The following CCDC71L variants were observed in gnomAD, a reference collection of about 807,000 sequenced individuals.
CCDC71L encodes the protein coiled-coil domain-containing protein 71L.
CCDC71L carries 6 observed loss-of-function variants against 10.2 expected under a neutral mutation model. The ratio of observed to expected loss-of-function variants is 0.59; its 90% CI spans 0.32 to 1.16. The LOEUF (loss-of-function observed/expected upper bound fraction) is 1.16, where lower values mean the gene tolerates loss of function less well. CCDC71L is among the 50% of genes most tolerant of loss of function. CCDC71L has a pLI of 0.05. For synonymous variants in CCDC71L, 204 were observed against 175.5 expected (o/e 1.16, Z -1.28); for missense variants, 366 against 383.4 (o/e 0.95, Z 0.38).
In CCDC71L at chr7:106,659,732, G is replaced by A. The variant is rs1271749043; in HGVS notation, c.*457C>T. On this transcript the variant is annotated 3_prime_UTR_variant, in exon 1 of 1. Coordinates refer to ENST00000523505, the MANE Select transcript of CCDC71L (RefSeq NM_175884.6). ...CTTCTGTCCACAAAGAGGGGTGACA[G>A]TGAAATAGAAAAAGGGGGAGATAAA... 5 of 153,724 alleles carry A rather than the reference G, an allele frequency of 3.3e-5. No individual in the cohort carries two copies. The highest frequency in any genetic ancestry group is 9.6e-5 in the African/African-American group (4 of 41,502). The allele number at this position is 153,724 out of a possible 1,614,324, so 9.5% of individuals were successfully genotyped here. A position where few individuals can be genotyped will look rare whatever the true frequency, so the allele number is the denominator to read the frequency against.
chr7:106,654,948 A>G lies in CCDC71L; in HGVS notation c.*5241T>C, dbSNP rs953418678. 1.3e-5 allele frequency among the ~76,000 whole-genome samples: 2 copies of G among 152,124 alleles called. No individual in the cohort carries two copies. The highest frequency in any genetic ancestry group is 2.9e-5 in the Non-Finnish European group (2 of 67,996). On this transcript the variant is annotated 3_prime_UTR_variant, in exon 1 of 1. Transcript: ENST00000523505. ...TACACATTTTACAGTTAATTGTACT[A>G]CTTGGAAGAATCTCAATTTAACTTT...
chr7:106,660,908 C>T lies in CCDC71L; in HGVS notation c.-12G>A, dbSNP rs1792586864. The T allele has an allele frequency of 2.9e-6, 4 of 1,362,062 alleles. No individual in the cohort carries two copies. The highest frequency in any genetic ancestry group is 1.8e-5 in the South Asian group (1 of 56,830). 84.4% of individuals were successfully genotyped at this position (1,362,062 alleles called of 1,614,324 possible). A position where few individuals can be genotyped will look rare whatever the true frequency, so the allele number is the denominator to read the frequency against. ...ATACTGCGCCGCATCGAAGGCCGCT[C>T]CGGGCCACTCACGCTCGCCGGGTCC... On this transcript the variant is annotated 5_prime_UTR_variant, in exon 1 of 1. Coordinates refer to ENST00000523505, the MANE Select transcript of CCDC71L (RefSeq NM_175884.6). The surrounding 1 kb of genome is among the most constrained non-coding windows in gnomAD (Gnocchi z 7.5).
chr7:106,656,056 AAT>A lies in CCDC71L; in HGVS notation c.*4131_*4132del, dbSNP rs1562906755. Among the ~76,000 whole-genome samples, 3 of 152,076 alleles carry A rather than the reference AAT, an allele frequency of 2.0e-5. No homozygotes were observed. The highest frequency in any genetic ancestry group is 4.8e-5 in the African/African-American group (2 of 41,368). ...TAGTTATTAATCCTTATAATATCCCAATAGTTTCTTTCACTAATCACATTTGA... is the reference window on the plus strand; with the variant it reads ...TAGTTATTAATCCTTATAATATCCCAAGTTTCTTTCACTAATCACATTTGA... On this transcript the variant is annotated 3_prime_UTR_variant, in exon 1 of 1. Coordinates refer to ENST00000523505, the MANE Select transcript of CCDC71L (RefSeq NM_175884.6).
rs781184306 is a variant in CCDC71L at position 106,660,286 on chromosome 7, C to T, written c.611G>A (p.Arg204His). The T allele has an allele frequency of 7.0e-6, 11 of 1,563,214 alleles. No homozygotes were observed. In the Admixed American group the frequency reaches 1.6e-4, roughly 23 times the overall value. Residue 204 changes from arginine to histidine, a missense_variant, in exon 1 of 1, where the codon CGC becomes CAC. Transcript: ENST00000523505. This position sits in a 1 kb window ranked among gnomAD's most constrained non-coding sequence, Gnocchi z 7.5. ...CCTGCGCCGCGCTGCCGCCAGGCTG[C>T]GCTCGCCCCACACGTCGCTGCCGAC... ...IRVGSDVWGE[R>H]SLAAARRRAR...
In CCDC71L at chr7:106,660,343, G is replaced by A. The variant is rs1413761246; in HGVS notation, c.554C>T (p.Thr185Ile). 1.4e-6 allele frequency: 2 copies of A among 1,476,214 alleles called. No individual in the cohort carries two copies. The highest frequency in any genetic ancestry group is 5.7e-5 in the East Asian group (2 of 35,398). The allele number at this position is 1,476,214 out of a possible 1,614,324, so 91.4% of individuals were successfully genotyped here. A position where few individuals can be genotyped will look rare whatever the true frequency, so the allele number is the denominator to read the frequency against. The stretch of plus-strand genomic sequence containing the variant: ...GGTGGGGAAGGTGGTCAGCGTCGGG[G>A]TGGCCGCCCTCCAGATCTCCTCCAA... Reference protein sequence around the residue: ...RTLEEIWRAATPTLTTFPTIR... With the variant: ...RTLEEIWRAAIPTLTTFPTIR... Residue 185 changes from threonine (T) to isoleucine (I), a missense_variant, in exon 1 of 1, where the codon ACC becomes ATC. Coordinates refer to ENST00000523505, the MANE Select transcript of CCDC71L (RefSeq NM_175884.6). This position sits in a 1 kb window ranked among gnomAD's most constrained non-coding sequence, Gnocchi z 7.5.
Position 106,659,232 on chromosome 7 carries a change from C to T in CCDC71L, c.*957G>A, listed in dbSNP as rs60442468. On this transcript the variant is annotated 3_prime_UTR_variant, in exon 1 of 1. Transcript: ENST00000523505. ...TAATGTATTTTAAAATACTTTAACG[C>T]ATAATATTCCTAGATTTGTATGTTA... is the stretch of plus-strand genomic sequence containing the variant. The T allele has an allele frequency of 0.13, 20,166 of 151,986 alleles. 2,650 individuals carry two copies. The highest frequency in any genetic ancestry group is 0.34 in the African/African-American group (14,201 of 41,378). The allele number at this position is 151,986 out of a possible 1,614,324, so 9.4% of individuals were successfully genotyped here. A position where few individuals can be genotyped will look rare whatever the true frequency, so the allele number is the denominator to read the frequency against.
rs1792487275 is a variant in CCDC71L at position 106,656,203 on chromosome 7, C to T, written c.*3986G>A. On this transcript the variant is annotated 3_prime_UTR_variant, in exon 1 of 1. Transcript: ENST00000523505. ...GCACTGTGACTCCACAACTATTACA[C>T]TACGCTTCCTCCAACTAATAGGAAC... Among the ~76,000 whole-genome samples, 1 of 152,192 alleles carries T rather than the reference C, an allele frequency of 6.6e-6. No individual in the cohort carries two copies. Among genetic ancestry groups the T allele is most frequent in the Admixed American group, 6.5e-5 (1 of 15,276 alleles).
chr7:106,661,107 T>A lies in CCDC71L; in HGVS notation c.-211A>T. The A allele has an allele frequency of 1.7e-6, 1 of 577,234 alleles. No individual in the cohort carries two copies. The highest frequency in any genetic ancestry group is 2.6e-6 in the Non-Finnish European group (1 of 378,298). 35.8% of individuals were successfully genotyped at this position (577,234 alleles called of 1,614,324 possible). A position where few individuals can be genotyped will look rare whatever the true frequency, so the allele number is the denominator to read the frequency against. On this transcript the variant is annotated 5_prime_UTR_variant, in exon 1 of 1. An upstream open reading frame in the 5' UTR gains an earlier in-frame stop. Transcript: ENST00000523505. ...GGCGGCCGGCGCCCACCCCTGGGCT[T>A]TGTCATTGGACGGCGCCTCGCCCCC... is the stretch of plus-strand genomic sequence containing the variant.
Position 106,660,809 on chromosome 7 carries a change from C to T in CCDC71L, c.88G>A (p.Gly30Arg), listed in dbSNP as rs1424353149. Residue 30 changes from glycine to arginine, a missense_variant, in exon 1 of 1, where the codon GGG becomes AGG. Transcript: ENST00000523505. The surrounding 1 kb of genome is among the most constrained non-coding windows in gnomAD (Gnocchi z 7.5). ...ARGGDFRAED[G>R]AGLEAREEKV... The stretch of plus-strand genomic sequence containing the variant: ...TCCTCCCGCGCCTCCAACCCAGCCC[C>T]GTCTTCTGCCCTAAAGTCGCCGCCC... The T allele has an allele frequency of 3.2e-6, 5 of 1,544,062 alleles. No individual in the cohort carries two copies. The highest frequency in any genetic ancestry group is 4.4e-6 in the Non-Finnish European group (5 of 1,144,226).
rs75971732 is a variant in CCDC71L, at chr7:106,658,913, A to G, written c.*1276T>C. On this transcript the variant is annotated 3_prime_UTR_variant, in exon 1 of 1. Coordinates refer to ENST00000523505, the MANE Select transcript of CCDC71L (RefSeq NM_175884.6). ...GGTTAAAAAAAATGTTGGGACAAAA[A>G]AATCAACTAAAAATCAACTAATTTT... is the stretch of plus-strand genomic sequence containing the variant. The G allele has an allele frequency of 1.3e-4, 20 of 152,546 alleles. No individual in the cohort carries two copies. Among genetic ancestry groups the G allele is most frequent in the African/African-American group, 3.8e-4 (16 of 41,590 alleles). 9.4% of individuals were successfully genotyped at this position (152,546 alleles called of 1,614,324 possible). A position where few individuals can be genotyped will look rare whatever the true frequency, so the allele number is the denominator to read the frequency against.
rs1792518178 is a variant in CCDC71L at position 106,657,955 on chromosome 7, C to T, written c.*2234G>A. On this transcript the variant is annotated 3_prime_UTR_variant, in exon 1 of 1. Coordinates refer to ENST00000523505, the MANE Select transcript of CCDC71L (RefSeq NM_175884.6). ...GTGGTGTGCTGAGCAGTTATCCTCC[C>T]AGTTAAGCCAAATTTCAAAATCCTC... 1 of 152,148 alleles carries T rather than the reference C, an allele frequency of 6.6e-6. No individual in the cohort carries two copies. Among genetic ancestry groups the T allele is most frequent in the Non-Finnish European group, 1.5e-5 (1 of 68,012 alleles). 9.4% of individuals were successfully genotyped at this position (152,148 alleles called of 1,614,324 possible). A position where few individuals can be genotyped will look rare whatever the true frequency, so the allele number is the denominator to read the frequency against.
chr7:106,655,144 A>C lies in CCDC71L; in HGVS notation c.*5045T>G, dbSNP rs1792470256. ...ATCATGGTTTAGAATGACATTTACC[A>C]AGACACAAGAGAGTGATGACAGTGA... On this transcript the variant is annotated 3_prime_UTR_variant, in exon 1 of 1. Transcript: ENST00000523505. Among the ~76,000 whole-genome samples, 1 of 152,168 alleles carries C rather than the reference A, an allele frequency of 6.6e-6. No individual in the cohort carries two copies. Among genetic ancestry groups the C allele is most frequent in the Admixed American group, 6.5e-5 (1 of 15,288 alleles).
rs1181091811 is a variant in CCDC71L at position 106,656,319 on chromosome 7, AGACTCTAAT to A, written c.*3861_*3869del. ...CACTAATACTCCACTTCTGCCTTCT[AGACTCTAAT>A]GAAAATTCTAGCCCTGCCCTTATTC... On this transcript the variant is annotated 3_prime_UTR_variant, in exon 1 of 1. Transcript: ENST00000523505. Among the ~76,000 whole-genome samples, 8 of 152,282 alleles carry A rather than the reference AGACTCTAAT, an allele frequency of 5.3e-5. No individual in the cohort carries two copies. The South Asian group carries it at 1.7e-3, about 32-fold the overall frequency.
At position 106,657,791 on chromosome 7, in the gene CCDC71L, C is replaced by T. The variant is rs1263878058; in HGVS notation, c.*2398G>A. Reference sequence around the variant, plus strand: ...TGAATTCAAGATGGACAATCAGATCCAAAATGGAATCAGATAGCCCATGTA... The same window carrying T: ...TGAATTCAAGATGGACAATCAGATCTAAAATGGAATCAGATAGCCCATGTA... On this transcript the variant is annotated 3_prime_UTR_variant, in exon 1 of 1. Coordinates refer to ENST00000523505, the MANE Select transcript of CCDC71L (RefSeq NM_175884.6). The T allele has an allele frequency of 1.3e-5, 2 of 152,090 alleles. No homozygotes were observed. The highest frequency in any genetic ancestry group is 1.3e-4 in the Admixed American group (2 of 15,272). The allele number at this position is 152,090 out of a possible 1,614,324, so 9.4% of individuals were successfully genotyped here.
In CCDC71L at chr7:106,656,712, C is replaced by T. The variant is rs564594841; in HGVS notation, c.*3477G>A. On this transcript the variant is annotated 3_prime_UTR_variant, in exon 1 of 1. Coordinates refer to ENST00000523505, the MANE Select transcript of CCDC71L (RefSeq NM_175884.6). ...ATTAAGATGTTTTCTGAGTCACATA[C>T]AAATACAAAATACCATTTCAAAAAT... 72 of 151,948 alleles carry T rather than the reference C, an allele frequency of 4.7e-4. 2 individuals are homozygous for T. The highest frequency in any genetic ancestry group is 8.2e-4 in the Non-Finnish European group (56 of 67,968). 9.4% of individuals were successfully genotyped at this position (151,948 alleles called of 1,614,324 possible).
rs779180027 is a variant in CCDC71L at position 106,656,609 on chromosome 7, G to A, written c.*3580C>T. Among the ~76,000 whole-genome samples, 2 of 151,496 alleles carry A rather than the reference G, an allele frequency of 1.3e-5. No homozygotes were observed. Among genetic ancestry groups the A allele is most frequent in the Non-Finnish European group, 2.9e-5 (2 of 67,920 alleles). On this transcript the variant is annotated 3_prime_UTR_variant, in exon 1 of 1. Coordinates refer to ENST00000523505, the MANE Select transcript of CCDC71L (RefSeq NM_175884.6). ...AAGAATTGATGGAACACAGACTCCCGAGATAGCACAAAAAACAAATCTCGA... is the reference window on the plus strand; with the variant it reads ...AAGAATTGATGGAACACAGACTCCCAAGATAGCACAAAAAACAAATCTCGA...
rs138445915 is a variant in CCDC71L, at chr7:106,661,099, C to G, written c.-203G>C. 0.039 allele frequency: 25,683 copies of G among 665,440 alleles called. 903 individuals carry two copies. Among genetic ancestry groups the G allele is most frequent in the Non-Finnish European group, 0.037 (16,830 of 457,520 alleles). The allele number at this position is 665,440 out of a possible 1,614,324, so 41.2% of individuals were successfully genotyped here. ...TACAAGATGGCGGCCGGCGCCCACC[C>G]CTGGGCTTTGTCATTGGACGGCGCC... On this transcript the variant is annotated 5_prime_UTR_variant, in exon 1 of 1. Coordinates refer to ENST00000523505, the MANE Select transcript of CCDC71L (RefSeq NM_175884.6).
chr7:106,660,723 G>A lies in CCDC71L; in HGVS notation c.174C>T (p.Asp58=), dbSNP rs1792580293. The part of the protein sequence containing the change: ...SLADSTKALG[D]AFKLFMPRST... ...TGCGGGGCATGAAGAGCTTGAAGGCGTCGCCCAGCGCCTTGGTGCTGTCAG... is the reference window on the plus strand; with the variant it reads ...TGCGGGGCATGAAGAGCTTGAAGGCATCGCCCAGCGCCTTGGTGCTGTCAG... The change falls in exon 1 of 1, where the codon GAC becomes GAT. Residue 58 remains aspartate (D), a synonymous_variant. Transcript: ENST00000523505. The surrounding 1 kb of genome is among the most constrained non-coding windows in gnomAD (Gnocchi z 7.5). 6.3e-7 allele frequency: 1 copy of A among 1,575,728 alleles called. No individual in the cohort carries two copies. Among genetic ancestry groups the A allele is most frequent in the Non-Finnish European group, 8.6e-7 (1 of 1,160,756 alleles).
chr7:106,659,619 T>C lies in CCDC71L; in HGVS notation c.*570A>G, dbSNP rs1327116308. The C allele has an allele frequency of 6.6e-6, 1 of 152,602 alleles. No homozygotes were observed. Among genetic ancestry groups the C allele is most frequent in the Non-Finnish European group, 1.5e-5 (1 of 68,036 alleles). 9.5% of individuals were successfully genotyped at this position (152,602 alleles called of 1,614,324 possible). On this transcript the variant is annotated 3_prime_UTR_variant, in exon 1 of 1. Transcript: ENST00000523505. ...TGAACCTCTTAAAAAATATCCTCGA[T>C]CAAAGCTTTGGAATCCAGTAAAAAT...
Sources: gnomAD v4.1 joint callset for allele counts (sites outside exome capture counted in the v4.1 genomes callset) on GRCh38, gnomAD v4.1.1 for gene constraint, Gnocchi (gnomAD v3.1) non-coding constraint, MANE v1.5 for transcripts, NCBI Gene and HGNC (gene_info 2026-07-23, HGNC 2026-07-21) for gene names.